Variants in SLC1A1 observed in about 807,000 individuals in gnomAD.
The protein encoded by SLC1A1 is solute carrier family 1 member 1.
A neutral mutation model predicts 53.3 loss-of-function variants in SLC1A1; 43 were observed. That is an observed-to-expected ratio of 0.81 (90% CI 0.63 to 1.04). The LOEUF (loss-of-function observed/expected upper bound fraction) is 1.04, where lower values mean the gene tolerates loss of function less well. Among genes scored for constraint, SLC1A1 ranks in the 50% least tolerant of loss-of-function variants. The pLI is 0.00. For missense variants in SLC1A1, 748 were observed against 664.9 expected (o/e 1.12, Z -1.37); for synonymous variants, 307 against 243.2 (o/e 1.26, Z -2.44).
chr9:4,491,600 A>G (rs1820238552), intron 1 of SLC1A1, among the ~76,000 whole-genome samples: 2 of 152,192 alleles, frequency 1.3e-5, no homozygotes, highest in Admixed American at 1.3e-4. Context: ...GCTCAGAGGT[A>G]TGAGTTATTC....
At chr9:4,529,419 C>T (rs994213370) in intron 1 of SLC1A1, among the ~76,000 whole-genome samples, 13 of 152,150 alleles carry the variant, frequency 8.5e-5, no homozygotes, top group African/African-American at 2.9e-4. Flanking sequence ...TCGTCCTTTC[C>T]CAGACAAATG....
intron 7 of SLC1A1, among the ~76,000 whole-genome samples, chr9:4,573,136 G>C (rs1486798663): frequency 6.6e-6 from 1 of 152,202 alleles, no homozygotes; most frequent in Non-Finnish European, 1.5e-5. Context: ...CCATCCGTGA[G>C]CATACCAGTG....
chr9:4,524,863 A>G (rs1816204910), intron 1 of SLC1A1, among the ~76,000 whole-genome samples: 1 of 152,148 alleles, frequency 6.6e-6, no homozygotes, highest in Non-Finnish European at 1.5e-5. Flanking sequence ...GAACTAATCC[A>G]GTCCTGCCAG....
At chr9:4,508,410 A>T (rs1225985353) in intron 1 of SLC1A1, among the ~76,000 whole-genome samples, 2 of 152,094 alleles carry the variant, frequency 1.3e-5, no homozygotes, top group Non-Finnish European at 2.9e-5. Context: ...AGCCAGTTGG[A>T]TATTTGCTCG....
chr9:4,501,072 CCTTT>C (rs1434392922), intron 1 of SLC1A1, among the ~76,000 whole-genome samples: 15 of 152,196 alleles, frequency 9.9e-5, no homozygotes, highest in Non-Finnish European at 2.9e-5. Flanking sequence ...ACTCCCGAGC[CCTTT>C]CTTAGTCTCA....
intron 1 of SLC1A1, among the ~76,000 whole-genome samples, chr9:4,505,369 T>C (rs114228195): frequency 0.012 from 1,866 of 152,188 alleles, 26 homozygotes; most frequent in African/African-American, 0.041. Flanking sequence ...TTTTTTATAC[T>C]GGATAGCAAT....
At chr9:4,496,276 G>T (rs185634233) in intron 1 of SLC1A1, among the ~76,000 whole-genome samples, 3 of 152,282 alleles carry the variant, frequency 2.0e-5, no homozygotes, top group African/African-American at 7.2e-5. Flanking sequence ...GTTCAACAGC[G>T]TTGGGGATAC....
chr9:4,550,290 C>T lies in SLC1A1; in HGVS notation c.232+5583C>T, dbSNP rs536901796. On this transcript the variant is annotated intron_variant, in intron 2 of 11. Coordinates refer to ENST00000262352, the MANE Select transcript of SLC1A1 (RefSeq NM_004170.6). ...TGGAAGATTTAAAAAACAAAAAATG[C>T]TCCAGACTTTTAGATGATTGTTACT... 1.5e-4 allele frequency among the ~76,000 whole-genome samples: 23 copies of T among 152,312 alleles called. No individual in the cohort carries two copies. The South Asian group carries it at 4.8e-3, about 32-fold the overall frequency.
intron 1 of SLC1A1, among the ~76,000 whole-genome samples, chr9:4,515,409 C>T (rs919677352): frequency 1.3e-4 from 20 of 152,142 alleles, no homozygotes; most frequent in African/African-American, 4.3e-4. Flanking sequence ...AGGATAGATA[C>T]GTTTATTTTT....
At chr9:4,527,785 T>C (rs769833452) in intron 1 of SLC1A1, among the ~76,000 whole-genome samples, 1 of 152,134 alleles carries the variant, frequency 6.6e-6, no homozygotes, top group Non-Finnish European at 1.5e-5. Context: ...TGGGGCTCAC[T>C]TCACTGATCT....
intron 1 of SLC1A1, among the ~76,000 whole-genome samples, chr9:4,506,646 C>G (rs1820819619): frequency 6.6e-6 from 1 of 151,950 alleles, no homozygotes. Flanking sequence ...CTTTTTTAAC[C>G]TCAAGTCAGT....
At chr9:4,565,508 A>G (rs2129712228) in intron 4 of SLC1A1, among the ~76,000 whole-genome samples, 1 of 152,322 alleles carries the variant, frequency 6.6e-6, no homozygotes, top group East Asian at 1.9e-4. Context: ...ACATGGCTGC[A>G]GGAGAGAGAG....
In SLC1A1 at chr9:4,544,607, C is replaced by T. The variant is rs781512369; in HGVS notation, c.132C>T (p.Leu44=). 2.5e-6 allele frequency: 4 copies of T among 1,613,754 alleles called. No individual in the cohort carries two copies. The highest frequency in any genetic ancestry group is 1.6e-4 in the Middle Eastern group (1 of 6,062). ...TGVLVREHSN[L]STLEKFYFAF... Reference sequence around the variant, plus strand: ...TCTTGGTTCGAGAACACAGCAACCTCTCAACTCTAGAGAAATTCTACTTTG... The same window carrying T: ...TCTTGGTTCGAGAACACAGCAACCTTTCAACTCTAGAGAAATTCTACTTTG... Residue 44 remains leucine, a synonymous_variant, in exon 2 of 12, where the codon CTC becomes CTT. Transcript: ENST00000262352.
intron 1 of SLC1A1, among the ~76,000 whole-genome samples, chr9:4,535,785 A>G (rs1314861147): frequency 6.6e-6 from 1 of 152,172 alleles, no homozygotes; most frequent in Non-Finnish European, 1.5e-5. Context: ...AGCTGGAGGC[A>G]TCACACTACC....
At chr9:4,580,593 A>AT (rs1564066935) in intron 10 of SLC1A1, among the ~76,000 whole-genome samples, 12 of 79,822 alleles carry the variant, frequency 1.5e-4, no homozygotes, top group Middle Eastern at 6.0e-3. Context: ...GAAAAAAAAA[A>AT]AATATATATG....
Position 4,570,656 on chromosome 9 carries a change from C to T in SLC1A1, c.583-1548C>T, listed in dbSNP as rs527677298. Among the ~76,000 whole-genome samples, 7 of 152,306 alleles carry T rather than the reference C, an allele frequency of 4.6e-5. No individual in the cohort carries two copies. In the South Asian group the frequency reaches 1.5e-3, roughly 32 times the overall value. ...AAAATGCTGGGATTACAGGTGTGAG[C>T]CACCGCACCCAGCTAACATAATTCT... is the stretch of plus-strand genomic sequence containing the variant. On this transcript the variant is annotated intron_variant, in intron 6 of 11. Coordinates refer to ENST00000262352, the MANE Select transcript of SLC1A1 (RefSeq NM_004170.6).
intron 1 of SLC1A1, among the ~76,000 whole-genome samples, chr9:4,505,917 G>A (rs906194165): frequency 4.6e-5 from 7 of 152,280 alleles, no homozygotes; most frequent in African/African-American, 7.2e-5. Flanking sequence ...TCCGCCTTCC[G>A]AGTTCAAGCG....
At chr9:4,528,396 C>A (rs1816341645) in intron 1 of SLC1A1, among the ~76,000 whole-genome samples, 1 of 152,096 alleles carries the variant, frequency 6.6e-6, no homozygotes, top group African/African-American at 2.4e-5. Context: ...CATGGTGAAA[C>A]CCCGTCTCTA....
intron 1 of SLC1A1, among the ~76,000 whole-genome samples, chr9:4,538,015 T>C (rs1816742105): frequency 6.6e-6 from 1 of 152,242 alleles, no homozygotes; most frequent in Non-Finnish European, 1.5e-5. Flanking sequence ...AATAATTTTT[T>C]AAATTATAAG....
Sources: gnomAD v4.1 joint callset for allele counts (sites outside exome capture counted in the v4.1 genomes callset) on GRCh38, gnomAD v4.1.1 for gene constraint, MANE v1.5 for transcripts, NCBI Gene and HGNC (gene_info 2026-07-23, HGNC 2026-07-21) for gene names.